Variants in TTC6 observed in about 807,000 individuals in gnomAD.
TTC6 encodes the protein tetratricopeptide repeat domain 6, also known as tetratricopeptide repeat protein 6.
A neutral mutation model predicts 210.4 loss-of-function variants in TTC6; 172 were observed. That is an observed-to-expected ratio of 0.82 (90% CI 0.72 to 0.93). The LOEUF (loss-of-function observed/expected upper bound fraction) is 0.93. Among genes scored for constraint, TTC6 ranks in the 40% least tolerant of loss-of-function variants. The pLI, the probability that TTC6 is intolerant of heterozygous loss-of-function variation, is 0.00. For synonymous variants in TTC6, 804 were observed against 819.6 expected (o/e 0.98, Z 0.32); for missense variants, 2,414 against 2,318.1 (o/e 1.04, Z -0.85).
At chr14:37,696,959 T>G in intron 4 of TTC6, 124 bp downstream of exon 6, 1 of 422,816 alleles carries the variant, frequency 2.4e-6, no homozygotes, top group Non-Finnish European at 4.0e-6. Context: ...GAGACCTAAG[T>G]TAAACCTTCT....
exon 31 of TTC6, chr14:37,842,348 A>G: frequency 2.9e-6 from 4 of 1,399,940 alleles, no homozygotes; most frequent in Non-Finnish European, 3.8e-6. Context: ...TGAAACGGAA[A>G]CATATTTGTT....
chr14:37,645,340 A>T (rs1347120866), intron 1 of TTC6, among the ~76,000 whole-genome samples: 2 of 152,202 alleles, frequency 1.3e-5, no homozygotes, highest in Non-Finnish European at 2.9e-5. Flanking sequence ...ATTGGTCTCT[A>T]AAACAATTAT....
chr14:37,794,393 C>T (rs941741607), intron 17 of TTC6, among the ~76,000 whole-genome samples: 2 of 152,098 alleles, frequency 1.3e-5, no homozygotes, highest in Non-Finnish European at 2.9e-5. Flanking sequence ...TGTACATTTG[C>T]TTCTTTGCAT....
intron 24 of TTC6, among the ~76,000 whole-genome samples, chr14:37,810,436 G>A (rs1336666193): frequency 2.0e-5 from 3 of 152,122 alleles, no homozygotes; most frequent in Non-Finnish European, 4.4e-5. Context: ...ATAAAATATT[G>A]GTGATTTCAG....
chr14:37,724,854 C>T (rs765708192), intron 6 of TTC6, 44 bp from the exon 9 acceptor site: 1 of 1,153,872 alleles, frequency 8.7e-7, no homozygotes, highest in South Asian at 1.8e-5. Flanking sequence ...ACTCTCAAGG[C>T]CATTTCTTAC....
chr14:37,665,215 A>T (rs909032107), intron 1 of TTC6, among the ~76,000 whole-genome samples: 1 of 150,642 alleles, frequency 6.6e-6, no homozygotes, highest in African/African-American at 2.4e-5. Context: ...TCATTGCAGC[A>T]CTATTCACAA....
chr14:37,622,898 A>G, exon 1 of TTC6: 1 of 1,535,132 alleles, frequency 6.5e-7, no homozygotes, highest in Non-Finnish European at 8.7e-7. Flanking sequence ...CGTCCATCGA[A>G]GAGATCATCG....
intron 26 of TTC6, among the ~76,000 whole-genome samples, chr14:37,823,232 C>T (rs1383582236): frequency 1.3e-5 from 2 of 152,064 alleles, no homozygotes; most frequent in Non-Finnish European, 2.9e-5. Flanking sequence ...ACTTTTTTCT[C>T]TCCCCTCCTC....
At chr14:37,687,981 A>T (rs1209503040) in intron 3 of TTC6, among the ~76,000 whole-genome samples, 1 of 152,092 alleles carries the variant, frequency 6.6e-6, no homozygotes, top group Non-Finnish European at 1.5e-5. Context: ...GTAGAGCACC[A>T]AGTGGGCTCT....
At chr14:37,782,823 C>T (rs752102590) in intron 14 of TTC6, among the ~76,000 whole-genome samples, 2 of 151,972 alleles carry the variant, frequency 1.3e-5, no homozygotes, top group Admixed American at 6.6e-5. Flanking sequence ...ATTTATTTAG[C>T]GTTTTTAGCA....
chr14:37,664,436 A>C (rs559850924), intron 1 of TTC6, among the ~76,000 whole-genome samples: 1 of 150,812 alleles, frequency 6.6e-6, no homozygotes, highest in East Asian at 1.9e-4. Context: ...CACCAGGAGA[A>C]GTGGTTATCC....
intron 1 of TTC6, among the ~76,000 whole-genome samples, chr14:37,647,620 A>G (rs1159346205): frequency 6.6e-6 from 1 of 152,200 alleles, no homozygotes; most frequent in Non-Finnish European, 1.5e-5. Context: ...GGTGCCTAAT[A>G]TACTTCCAAG....
At position 37,725,308 on chromosome 14, in the gene TTC6, GTGTGTATATATATATATATATATA is replaced by G. The variant is rs1357692484; in HGVS notation, c.1818+308_1818+331del. Reference sequence around the variant, plus strand: ...TTTATATATGTATGTATGTGTGTGTGTGTGTATATATATATATATATATATATATATATATATATATATATATAT... The same window carrying G: ...TTTATATATGTATGTATGTGTGTGTGTATATATATATATATATATATATAT... On this transcript the variant is annotated intron_variant, in intron 7 of 30. Coordinates refer to ENST00000553443, the Ensembl canonical transcript of TTC6. Among the ~76,000 whole-genome samples the G allele has an allele frequency of 5.0e-4, 37 of 73,400 alleles. 1 individual carries two copies. Among genetic ancestry groups the G allele is most frequent in the African/African-American group, 1.1e-3 (21 of 18,508 alleles). 48.2% of individuals were successfully genotyped at this position (73,400 alleles called of 152,430 possible). A position where few individuals can be genotyped will look rare whatever the true frequency, so the allele number is the denominator to read the frequency against.
chr14:37,665,957 A>G (rs1566874232), intron 1 of TTC6, among the ~76,000 whole-genome samples: 2 of 150,674 alleles, frequency 1.3e-5, no homozygotes, highest in Non-Finnish European at 3.0e-5. Context: ...CCCCTCTTCT[A>G]CCTCCAAAAT....
chr14:37,632,737 T>G (rs572352421), intron 1 of TTC6, among the ~76,000 whole-genome samples: 5 of 152,286 alleles, frequency 3.3e-5, no homozygotes, highest in African/African-American at 1.2e-4. Context: ...TTCCACCAGG[T>G]GCTCTGTCCC....
intron 14 of TTC6, among the ~76,000 whole-genome samples, chr14:37,768,999 T>G (rs1457672872): frequency 2.6e-5 from 4 of 151,956 alleles, no homozygotes; most frequent in Non-Finnish European, 5.9e-5. Context: ...TTATTGAGAG[T>G]TTTTAGCAAG....
chr14:37,791,802 A>C (rs1418510772), intron 16 of TTC6, among the ~76,000 whole-genome samples: 1 of 152,188 alleles, frequency 6.6e-6, no homozygotes, highest in Non-Finnish European at 1.5e-5. Context: ...AGAGATAAAT[A>C]ACATTTATTT....
At chr14:37,787,924 T>TGTGTGTG (rs2096071731) in intron 15 of TTC6, among the ~76,000 whole-genome samples, 4 of 141,396 alleles carry the variant, frequency 2.8e-5, no homozygotes, top group African/African-American at 8.0e-5. Context: ...TGTGTGTGTG[T>TGTGTGTG]TAACTGTGGC....
intron 1 of TTC6, among the ~76,000 whole-genome samples, chr14:37,628,899 C>T (rs1054794595): frequency 6.6e-6 from 1 of 152,104 alleles, no homozygotes; most frequent in African/African-American, 2.4e-5. Flanking sequence ...TCAGGTTTGT[C>T]AAAGGTCAGA....
Sources: gnomAD v4.1 joint callset for allele counts (sites outside exome capture counted in the v4.1 genomes callset) on GRCh38, gnomAD v4.1.1 for gene constraint, MANE v1.5 for transcripts, NCBI Gene and HGNC (gene_info 2026-07-23, HGNC 2026-07-21) for gene names.